MED13: variants seen among roughly 807,000 people sequenced by gnomAD.
The protein encoded by MED13 is mediator complex subunit 13, also known as mediator of RNA polymerase II transcription subunit 13.
Under a neutral mutation model 225.2 loss-of-function variants are expected in MED13, and 23 were observed. That is an observed-to-expected ratio of 0.10 (90% confidence interval 0.07 to 0.14). MED13 has a LOEUF of 0.14. Among genes scored for constraint, MED13 ranks in the 10% least tolerant of loss-of-function variants. The pLI is 1.00. For missense variants in MED13, 2,197 were observed against 2,594.5 expected (o/e 0.85, Z 3.33); for synonymous variants, 942 against 889.2 (o/e 1.06, Z -1.06).
At chr17:61,981,435 T>C (rs1459313429) in intron 16 of MED13, among the ~76,000 whole-genome samples, 1 of 150,644 alleles carries the variant, frequency 6.6e-6, no homozygotes, top group African/African-American at 2.5e-5. Flanking sequence ...ACATGGTCTA[T>C]AAGACTCTAA....
intron 8 of MED13, among the ~76,000 whole-genome samples, chr17:62,011,750 T>A (rs2080511362): frequency 6.6e-6 from 1 of 152,204 alleles, no homozygotes; most frequent in African/African-American, 2.4e-5. Context: ...ATTGACTGAT[T>A]GATGGGCCTC....
intron 3 of MED13, among the ~76,000 whole-genome samples, chr17:62,042,164 A>C (rs1234902310): frequency 6.6e-6 from 1 of 152,190 alleles, no homozygotes; most frequent in Non-Finnish European, 1.5e-5. Flanking sequence ...TAGCTCCATG[A>C]ACAAAAGATC....
intron 14 of MED13, 59 bp from the exon 15 acceptor site, chr17:61,984,426 A>G: frequency 1.6e-6 from 2 of 1,274,642 alleles, no homozygotes; most frequent in Non-Finnish European, 2.1e-6. Flanking sequence ...AAAAATAAAT[A>G]AACAAACAGG....
chr17:62,047,947 C>A (rs1359616291), intron 3 of MED13, among the ~76,000 whole-genome samples: 2 of 150,270 alleles, frequency 1.3e-5, no homozygotes, highest in African/African-American at 2.4e-5. Flanking sequence ...GTTAAACTTA[C>A]AAAGTTATAA....
At chr17:62,009,225 A>G (rs2143581104) in intron 9 of MED13, among the ~76,000 whole-genome samples, 2 of 152,316 alleles carry the variant, frequency 1.3e-5, no homozygotes, top group East Asian at 3.9e-4. Context: ...AAATGTATTA[A>G]TAACAACATA....
At chr17:61,990,439 C>A (rs545710532) in intron 11 of MED13, among the ~76,000 whole-genome samples, 1 of 151,936 alleles carries the variant, frequency 6.6e-6, no homozygotes, top group Admixed American at 6.6e-5. Flanking sequence ...TCTCCTCATA[C>A]CAGTCTCCAT....
intron 11 of MED13, among the ~76,000 whole-genome samples, chr17:61,991,760 G>A (rs1350539444): frequency 5.9e-5 from 9 of 151,920 alleles, no homozygotes; most frequent in Non-Finnish European, 7.4e-5. Context: ...CGCCCGCCAC[G>A]GCCTCCCAAA....
intron 2 of MED13, among the ~76,000 whole-genome samples, chr17:62,060,360 T>C (rs1162837051): frequency 1.3e-5 from 2 of 151,228 alleles, no homozygotes; most frequent in Non-Finnish European, 3.0e-5. Context: ...CCCTACCTCC[T>C]GCCTGTAATC....
At chr17:62,044,901 A>T (rs1369260484) in intron 3 of MED13, among the ~76,000 whole-genome samples, 7 of 152,220 alleles carry the variant, frequency 4.6e-5, no homozygotes, top group African/African-American at 2.4e-5. Flanking sequence ...ACCTCAAGTG[A>T]TCTGCCTGCC....
intron 16 of MED13, among the ~76,000 whole-genome samples, chr17:61,978,203 G>A (rs750584771): frequency 2.0e-5 from 3 of 150,900 alleles, no homozygotes; most frequent in Non-Finnish European, 4.4e-5. Flanking sequence ...GGGCTGGAGC[G>A]AAATGGCAGG....
chr17:62,031,781 A>G (rs1006071764), intron 5 of MED13, 143 bp from the exon 6 acceptor site: 5 of 468,834 alleles, frequency 1.1e-5, no homozygotes, highest in Admixed American at 4.4e-5. Flanking sequence ...CTTCTTTGGC[A>G]TAAGTTTTTC....
chr17:61,960,945 C>G lies in MED13; in HGVS notation c.5402G>C (p.Arg1801Thr). 6.2e-7 allele frequency: 1 copy of G among 1,613,840 alleles called. No homozygotes were observed. The highest frequency in any genetic ancestry group is 2.2e-5 in the East Asian group (1 of 44,818). Residue 1801 changes from arginine (R) to threonine (T), a missense_variant, in exon 23 of 30, where the codon AGG becomes ACG. By Grantham distance (71) the Arg-to-Thr change is moderately conservative. Transcript: ENST00000397786. ...FVGYCLSHDQ[R>T]WILASCTDLY... is the part of the protein sequence containing the mutation. ...ATCTGTGCAAGATGCAAGAATCCACCTTTGATCATGTGATAAACAGTATCC... is the reference window on the plus strand; with the variant it reads ...ATCTGTGCAAGATGCAAGAATCCACGTTTGATCATGTGATAAACAGTATCC...
chr17:61,949,087 CAA>C (rs879385487), intron 28 of MED13, among the ~76,000 whole-genome samples: 5 of 111,424 alleles, frequency 4.5e-5, no homozygotes, highest in Non-Finnish European at 5.7e-5. Context: ...GACTCCGTCT[CAA>C]AAAAAAAAAA....
At chr17:62,001,533 G>A (rs1467294731) in intron 9 of MED13, among the ~76,000 whole-genome samples, 2 of 152,012 alleles carry the variant, frequency 1.3e-5, no homozygotes, top group East Asian at 1.9e-4. Flanking sequence ...TCATCTCAAG[G>A]ATAATATACA....
At chr17:62,049,196 G>A (rs904687533) in intron 3 of MED13, among the ~76,000 whole-genome samples, 10 of 151,456 alleles carry the variant, frequency 6.6e-5, no homozygotes, top group African/African-American at 9.7e-5. Flanking sequence ...AATCCAAATC[G>A]GAAAAGAAGA....
At chr17:61,994,664 T>G (rs1463653766) in intron 10 of MED13, among the ~76,000 whole-genome samples, 1 of 152,234 alleles carries the variant, frequency 6.6e-6, no homozygotes, top group Non-Finnish European at 1.5e-5. Context: ...AGAGGTCAGC[T>G]ATAATTGGTA....
chr17:61,957,954 T>G (rs910136982), intron 23 of MED13, among the ~76,000 whole-genome samples: 3 of 151,980 alleles, frequency 2.0e-5, no homozygotes, highest in Non-Finnish European at 4.4e-5. Context: ...AAGTTCCGCC[T>G]CCTGATTTCA....
rs764139680 is a variant in MED13, at chr17:62,063,191, G to A, written c.177C>T (p.Arg59=). The A allele has an allele frequency of 1.9e-6, 3 of 1,614,044 alleles. No individual in the cohort carries two copies. The highest frequency in any genetic ancestry group is 1.3e-5 in the African/African-American group (1 of 74,920). The change falls in exon 2 of 30, where the codon CGC becomes CGT. Residue 59 remains arginine, a synonymous_variant. Coordinates refer to ENST00000397786, the MANE Select transcript of MED13 (RefSeq NM_005121.3). Reference sequence around the variant, plus strand: ...CACCAAGTACATCTGCCTTAAGGCAGCGACTAAAACTGCTCAAAATGGGGT... The same window carrying A: ...CACCAAGTACATCTGCCTTAAGGCAACGACTAAAACTGCTCAAAATGGGGT... ...EEDPILSSFS[R]CLKADVLGVW...
In MED13 at chr17:61,984,955, T is replaced by G. The variant is rs1208975337; in HGVS notation, c.2476+45A>C. The G allele has an allele frequency of 2.5e-6, 4 of 1,603,248 alleles. No individual in the cohort carries two copies. The East Asian group carries it at 6.7e-5, about 27-fold the overall frequency. On this transcript the variant is annotated intron_variant, in intron 13 of 29. Transcript: ENST00000397786. ...AAGGAGTGGGGAGCTTTGTTGAGAT[T>G]AAAAGTTCGCAAATTTATCTCGAGC...
Sources: allele counts gnomAD v4.1 joint callset (sites outside exome capture counted in the v4.1 genomes callset), GRCh38; gene constraint gnomAD v4.1.1; transcripts MANE v1.5; gene names NCBI Gene and HGNC (gene_info 2026-07-23, HGNC 2026-07-21).